The following ZNF385D variants were observed in gnomAD, a reference collection of about 807,000 sequenced individuals.
The protein encoded by ZNF385D is zinc finger protein 659.
In ZNF385D, 15 loss-of-function variants were observed where a neutral mutation model predicts 35.8. The ratio of observed to expected loss-of-function variants is 0.42; its 90% CI spans 0.28 to 0.64. ZNF385D has a LOEUF of 0.64. ZNF385D is among the 30% of genes least tolerant of loss of function. The probability of loss-of-function intolerance (pLI) is 0.23; values close to 1 mark genes in which losing one functional copy is unlikely to be tolerated. For synonymous variants in ZNF385D, 212 were observed against 186.8 expected, an observed-to-expected ratio of 1.13 and a Z score of -1.10; for missense variants, 474 against 494.6, an observed-to-expected ratio of 0.96 and a Z score of 0.39.
At chr3:22,176,991 A>C (rs537792581) in intron 2 of ZNF385D, among the ~76,000 whole-genome samples, 5 of 152,300 alleles carry the variant, frequency 3.3e-5, no homozygotes, top group African/African-American at 9.6e-5. Context: ...TATTACTATT[A>C]TTACATTTTT....
intron 4 of ZNF385D, chr3:21,443,043 G>A (rs367805609): frequency 1.2e-6 from 1 of 814,858 alleles, no homozygotes; most frequent in African/African-American, 1.9e-5. Flanking sequence ...AAGTCCCCCT[G>A]CTCTGAATTC....
intron 3 of ZNF385D, among the ~76,000 whole-genome samples, chr3:22,123,891 A>T (rs1476775288): frequency 8.1e-6 from 1 of 123,738 alleles, no homozygotes. Flanking sequence ...CAAACCAAAC[A>T]AAAACAAAAC....
chr3:21,697,966 A>C (rs2067530877), intron 1 of ZNF385D, among the ~76,000 whole-genome samples: 1 of 152,160 alleles, frequency 6.6e-6, no homozygotes, highest in Non-Finnish European at 1.5e-5. Flanking sequence ...CGTCATGGAT[A>C]TGGAAAAAAT....
intron 2 of ZNF385D, among the ~76,000 whole-genome samples, chr3:22,211,260 G>A (rs1369138176): frequency 6.6e-6 from 1 of 151,828 alleles, no homozygotes; most frequent in Admixed American, 6.6e-5. Flanking sequence ...GTTGATGAAT[G>A]AATGAATATT....
intron 3 of ZNF385D, among the ~76,000 whole-genome samples, chr3:21,812,010 A>T (rs2072941340): frequency 6.6e-6 from 1 of 152,224 alleles, no homozygotes; most frequent in Admixed American, 6.5e-5. Flanking sequence ...TGCCAAAAAA[A>T]TCAAATTTGA....
At chr3:21,674,006 A>G (rs2066651055) in intron 1 of ZNF385D, among the ~76,000 whole-genome samples, 1 of 152,136 alleles carries the variant, frequency 6.6e-6, no homozygotes, top group Admixed American at 6.6e-5. Flanking sequence ...TTAAAAAGAA[A>G]AAATAATGCT....
chr3:21,699,758 GACT>G (rs1436214695), intron 1 of ZNF385D, among the ~76,000 whole-genome samples: 34 of 149,294 alleles, frequency 2.3e-4, no homozygotes, highest in Admixed American at 3.3e-4. Flanking sequence ...TTTCAAATAT[GACT>G]ACAAGAAAAT....
In ZNF385D at chr3:22,095,855, C is replaced by CAT. The variant is rs4044439; in HGVS notation, c.325+72960_325+72961dup. Among the ~76,000 whole-genome samples the CAT allele has an allele frequency of 6.3e-3, 945 of 150,616 alleles. 6 individuals carry two copies. The highest frequency in any genetic ancestry group is 6.8e-3 in the East Asian group (35 of 5,140). ...AAATATTAAGCATTTTTTAATTCAA[C>CAT]ATATATATATATACTATGCTTAAAA... On this transcript the variant is annotated intron_variant, in intron 3 of 5. Transcript: ENST00000494108.
chr3:21,777,191 T>C (rs1381693174), intron 3 of ZNF385D, among the ~76,000 whole-genome samples: 1 of 152,034 alleles, frequency 6.6e-6, no homozygotes, highest in African/African-American at 2.4e-5. Flanking sequence ...TGCAAAGTTC[T>C]GTTTTGTTTA....
intron 4 of ZNF385D, among the ~76,000 whole-genome samples, chr3:21,501,245 C>A (rs1378418193): frequency 6.6e-6 from 1 of 152,246 alleles, no homozygotes; most frequent in African/African-American, 2.4e-5. Context: ...CTTCCTTCTG[C>A]CGTCTTCCTT....
chr3:21,956,628 T>C (rs942787471), intron 3 of ZNF385D, among the ~76,000 whole-genome samples: 3 of 152,040 alleles, frequency 2.0e-5, no homozygotes, highest in Non-Finnish European at 2.9e-5. Flanking sequence ...TCACAGTGGT[T>C]AATGCATCCT....
At chr3:22,331,336 A>C (rs1694926818) in intron 2 of ZNF385D, among the ~76,000 whole-genome samples, 1 of 152,208 alleles carries the variant, frequency 6.6e-6, no homozygotes, top group Non-Finnish European at 1.5e-5. Context: ...TAAAACTTAA[A>C]AACATCTTTA....
intron 2 of ZNF385D, among the ~76,000 whole-genome samples, chr3:21,567,571 C>T (rs557147123): frequency 2.6e-5 from 4 of 151,890 alleles, no homozygotes; most frequent in Non-Finnish European, 2.9e-5. Flanking sequence ...CACCAGCTGA[C>T]GGAAAAATTA....
intron 3 of ZNF385D, among the ~76,000 whole-genome samples, chr3:22,024,344 T>A (rs963509687): frequency 1.3e-5 from 2 of 152,036 alleles, no homozygotes; most frequent in African/African-American, 4.8e-5. Flanking sequence ...ATAGGATACC[T>A]ATATATCCTA....
chr3:21,937,959 G>A (rs928526321), intron 3 of ZNF385D, among the ~76,000 whole-genome samples: 1 of 152,182 alleles, frequency 6.6e-6, no homozygotes, highest in East Asian at 1.9e-4. Flanking sequence ...TCTTGCAACA[G>A]TGTCCAAACT....
intron 2 of ZNF385D, among the ~76,000 whole-genome samples, chr3:22,215,543 C>T (rs1019393769): frequency 6.6e-6 from 1 of 151,950 alleles, no homozygotes; most frequent in African/African-American, 2.4e-5. Context: ...AGGAAATTCC[C>T]GCCTAATAAA....
chr3:21,623,891 A>C (rs2065069244), intron 2 of ZNF385D, among the ~76,000 whole-genome samples: 1 of 152,144 alleles, frequency 6.6e-6, no homozygotes, highest in African/African-American at 2.4e-5. Flanking sequence ...TAACTCTGAC[A>C]AAATTAGTAC....
intron 2 of ZNF385D, among the ~76,000 whole-genome samples, chr3:22,349,117 C>CT (rs1389177645): frequency 2.0e-5 from 3 of 152,192 alleles, no homozygotes; most frequent in African/African-American, 7.2e-5. Context: ...TACTATACCT[C>CT]TCTCAAGGGT....
intron 1 of ZNF385D, among the ~76,000 whole-genome samples, chr3:21,697,326 GA>G (rs960041119): frequency 6.6e-6 from 1 of 152,042 alleles, no homozygotes; most frequent in African/African-American, 2.4e-5. Flanking sequence ...ATGAAAAAAA[GA>G]CAAGAAATCA....
Sources: gnomAD v4.1 joint callset for allele counts (sites outside exome capture counted in the v4.1 genomes callset) on GRCh38, gnomAD v4.1.1 for gene constraint, MANE v1.5 for transcripts, NCBI Gene and HGNC (gene_info 2026-07-23, HGNC 2026-07-21) for gene names.